The following SLC18B1 variants were observed in gnomAD, a reference collection of about 807,000 sequenced individuals.
The protein encoded by SLC18B1 is MFS-type transporter SLC18B1.
Under a neutral mutation model 53.9 loss-of-function variants are expected in SLC18B1, and 62 were observed. The observed-to-expected ratio is 1.15, with a 90% CI of 0.94 to 1.42. The LOEUF is 1.42. SLC18B1 is among the 40% of genes most tolerant of loss of function. The pLI is 0.00. For missense variants in SLC18B1, 598 were observed against 547.3 expected, an observed-to-expected ratio of 1.09 and a Z score of -0.93; for synonymous variants, 217 against 200.9, an observed-to-expected ratio of 1.08 and a Z score of -0.68.
Position 132,770,889 on chromosome 6 carries a change from C to A in SLC18B1, c.1304+1G>T. On this transcript the variant is annotated splice_donor_variant, in intron 13 of 13. Transcript: ENST00000275227. LOFTEE classifies it high-confidence loss of function. ...AAAAAAAGCCCCAAAATTGACCATA[C>A]CTTTTTCTCCTTGAATACTCCAGTA... The A allele has an allele frequency of 1.2e-6, 2 of 1,607,596 alleles. No homozygotes were observed. The highest frequency in any genetic ancestry group is 1.7e-6 in the Non-Finnish European group (2 of 1,178,312).
intron 1 of SLC18B1, among the ~76,000 whole-genome samples, chr6:132,798,207 C>T (rs1346278482): frequency 6.6e-6 from 1 of 152,238 alleles, no homozygotes; most frequent in Non-Finnish European, 1.5e-5. Context: ...GTTAGAAAGT[C>T]ATTAGAAACC....
At chr6:132,784,715 G>C (rs772481906) in intron 5 of SLC18B1, among the ~76,000 whole-genome samples, 5 of 152,262 alleles carry the variant, frequency 3.3e-5, no homozygotes, top group South Asian at 2.1e-4. Context: ...CCACTTCTAA[G>C]AATTTAACTT....
At chr6:132,790,107 A>C (rs1292177900) in intron 3 of SLC18B1, 70 bp downstream of exon 3, 14 of 1,146,596 alleles carry the variant, frequency 1.2e-5, no homozygotes, top group Non-Finnish European at 1.6e-5. Flanking sequence ...CAAATTCTAG[A>C]CTAGTAAACG....
chr6:132,794,202 C>G (rs1781616056), intron 2 of SLC18B1, among the ~76,000 whole-genome samples: 1 of 151,044 alleles, frequency 6.6e-6, no homozygotes, highest in Non-Finnish European at 1.5e-5. Flanking sequence ...CTCCTGGGTT[C>G]AAGCAATTCT....
intron 8 of SLC18B1, among the ~76,000 whole-genome samples, chr6:132,775,094 T>G (rs9399041): frequency 0.23 from 35,215 of 152,060 alleles, 6,540 homozygotes; most frequent in African/African-American, 0.52. Flanking sequence ...AGGTGATTAG[T>G]TAATGAAGGT....
chr6:132,771,990 G>A, intron 11 of SLC18B1, 142 bp downstream of exon 11: 1 of 581,202 alleles, frequency 1.7e-6, no homozygotes, highest in South Asian at 2.2e-5. Flanking sequence ...TACTCAGGAG[G>A]CTGAGATAGA....
rs776197164 is a variant in SLC18B1, at chr6:132,779,306, A to G, written c.757T>C (p.Phe253Leu). 1.1e-5 allele frequency: 17 copies of G among 1,614,020 alleles called. No homozygotes were observed. The highest frequency in any genetic ancestry group is 1.4e-5 in the Non-Finnish European group (17 of 1,179,988). Residue 253 changes from phenylalanine (F) to leucine (L), a missense_variant, in exon 7 of 14, where the codon TTC becomes CTC. Phe to Leu is a conservative substitution (Grantham distance 22). Coordinates refer to ENST00000275227, the MANE Select transcript of SLC18B1 (RefSeq NM_052831.3). ...AAGAGAGACAGAGTAGGATCGAGGA[A>G]GCCAAAACACGAGCTGAGTGAGTTG... is the stretch of plus-strand genomic sequence containing the variant. The part of the protein sequence containing the change: ...VINSLSSCFG[F>L]LDPTLSLFVL...
At chr6:132,789,317 A>G (rs948239059) in intron 4 of SLC18B1, 1 of 160,350 alleles carries the variant, frequency 6.2e-6, no homozygotes, top group African/African-American at 2.4e-5. Context: ...GGCACTTTCT[A>G]CTGAAGCTGC....
intron 13 of SLC18B1, among the ~76,000 whole-genome samples, 197 bp downstream of exon 13, chr6:132,770,693 G>A (rs1562260835): frequency 6.6e-6 from 1 of 152,150 alleles, no homozygotes; most frequent in Non-Finnish European, 1.5e-5. Context: ...CTGAGATTGT[G>A]CCACTGCATG....
chr6:132,779,145 G>A lies in SLC18B1; in HGVS notation c.795+123C>T, dbSNP rs897457063. 1.1e-5 allele frequency: 12 copies of A among 1,095,780 alleles called. No individual in the cohort carries two copies. The African/African-American group carries it at 1.4e-4, about 13-fold the overall frequency. 67.9% of individuals were successfully genotyped at this position (1,095,780 alleles called of 1,614,324 possible). A position where few individuals can be genotyped will look rare whatever the true frequency, so the allele number is the denominator to read the frequency against. On this transcript the variant is annotated intron_variant, in intron 7 of 13. Coordinates refer to ENST00000275227, the MANE Select transcript of SLC18B1 (RefSeq NM_052831.3). ...AGAGAGGGACACGCTACCTCGGTGT[G>A]TAGTGCCCATTCTACCTTCTTCTCC... is the stretch of plus-strand genomic sequence containing the variant.
chr6:132,770,986 A>T (rs1472834356), intron 12 of SLC18B1, 47 bp from the exon 13 acceptor site: 2 of 1,610,678 alleles, frequency 1.2e-6, no homozygotes, highest in Non-Finnish European at 1.7e-6. Flanking sequence ...TTCCAAGTCA[A>T]GTTTTTCCAC....
chr6:132,773,291 T>TGGGGGGGGGAGGGGGGGGG (rs140532276), intron 9 of SLC18B1, among the ~76,000 whole-genome samples: 1 of 27,288 alleles, frequency 3.7e-5, no homozygotes, highest in Admixed American at 4.0e-4. Flanking sequence ...GGCGGGGGGG[T>TGGGGGGGGGAGGGGGGGGG]GGGGGGGAAT....
At chr6:132,790,053 GC>G in intron 3 of SLC18B1, 123 bp downstream of exon 3, 1 of 803,074 alleles carries the variant, frequency 1.2e-6, no homozygotes, top group East Asian at 2.7e-5. Context: ...GTCAACACTG[GC>G]ACAATTTATA....
chr6:132,790,733 G>C lies in SLC18B1; in HGVS notation c.184-461C>G, dbSNP rs112983766. On this transcript the variant is annotated intron_variant, in intron 2 of 13. Coordinates refer to ENST00000275227, the MANE Select transcript of SLC18B1 (RefSeq NM_052831.3). ...GTTCCATGAGTGGGCACATGGGTCAGACCAAGGCCCAATCAGTCTAGGTCT... is the reference window on the plus strand; with the variant it reads ...GTTCCATGAGTGGGCACATGGGTCACACCAAGGCCCAATCAGTCTAGGTCT... 2.8e-3 allele frequency among the ~76,000 whole-genome samples: 429 copies of C among 152,278 alleles called. 7 individuals are homozygous for C. Among genetic ancestry groups the C allele is most frequent in the African/African-American group, 9.9e-3 (411 of 41,552 alleles).
Position 132,775,653 on chromosome 6 carries a change from T to C in SLC18B1, c.897+675A>G, listed in dbSNP as rs187061299. Among the ~76,000 whole-genome samples, 447 of 152,374 alleles carry C rather than the reference T, an allele frequency of 2.9e-3. 3 individuals are homozygous for C. The highest frequency in any genetic ancestry group is 0.01 in the African/African-American group (429 of 41,594). Reference sequence around the variant, plus strand: ...TACTCTGATCATCTGGACTGAATGGTTTAAACCTGGTTGAAAGAGAACAGA... The same window carrying C: ...TACTCTGATCATCTGGACTGAATGGCTTAAACCTGGTTGAAAGAGAACAGA... On this transcript the variant is annotated intron_variant, in intron 8 of 13. Transcript: ENST00000275227.
At chr6:132,787,616 C>A in intron 4 of SLC18B1, 35 bp from the exon 5 acceptor site, 1 of 1,479,994 alleles carries the variant, frequency 6.8e-7, no homozygotes, top group Non-Finnish European at 8.9e-7. Context: ...AAATGCCAAG[C>A]TGGTTTTCTT....
chr6:132,798,598 T>C lies in SLC18B1; in HGVS notation c.-142A>G. On this transcript the variant is annotated 5_prime_UTR_variant, in exon 1 of 14. Transcript: ENST00000275227. Reference sequence around the variant, plus strand: ...ATCCCCGACTCCCTGCAGGCAGCGATCCGCCCGGCCCGGAGCTCCCCAAAG... The same window carrying C: ...ATCCCCGACTCCCTGCAGGCAGCGACCCGCCCGGCCCGGAGCTCCCCAAAG... The C allele has an allele frequency of 1.1e-6, 1 of 875,534 alleles. No homozygotes were observed. The highest frequency in any genetic ancestry group is 1.6e-6 in the Non-Finnish European group (1 of 633,970). The allele number at this position is 875,534 out of a possible 1,614,324, so 54.2% of individuals were successfully genotyped here.
chr6:132,778,035 G>T (rs1781142299), intron 7 of SLC18B1, among the ~76,000 whole-genome samples: 1 of 152,204 alleles, frequency 6.6e-6, no homozygotes, highest in South Asian at 2.1e-4. Context: ...CAGTTTTACA[G>T]GCTTTGGGTA....
chr6:132,774,870 C>T (rs1292187562), intron 8 of SLC18B1, among the ~76,000 whole-genome samples: 1 of 151,964 alleles, frequency 6.6e-6, no homozygotes, highest in Non-Finnish European at 1.5e-5. Flanking sequence ...AAGATCACAC[C>T]ACCGTACTCC....
Sources: allele counts gnomAD v4.1 joint callset (sites outside exome capture counted in the v4.1 genomes callset), GRCh38; gene constraint gnomAD v4.1.1; transcripts MANE v1.5; gene names NCBI Gene and HGNC (gene_info 2026-07-23, HGNC 2026-07-21).